The following B3GALT1 variants were observed in gnomAD, a reference collection of about 807,000 sequenced individuals.
The protein encoded by B3GALT1 is beta-1,3-galactosyltransferase 1.
Under a neutral mutation model 23.2 loss-of-function variants are expected in B3GALT1, and 10 were observed. The observed-to-expected ratio is 0.43, with a 90% CI of 0.27 to 0.73. B3GALT1 has a LOEUF of 0.73. Among genes scored for constraint, B3GALT1 ranks in the 30% least tolerant of loss-of-function variants. B3GALT1 has a pLI of 0.21. For synonymous variants in B3GALT1, 156 were observed against 141.5 expected (o/e 1.10, Z -0.73); for missense variants, 299 against 405.4 (o/e 0.74, Z 2.25).
chr2:167,685,850 G>T (rs758644276), intron 3 of B3GALT1, among the ~76,000 whole-genome samples: 3 of 152,122 alleles, frequency 2.0e-5, no homozygotes, highest in Non-Finnish European at 4.4e-5. Flanking sequence ...AGTCTCTCAG[G>T]CAAATTTAAA....
chr2:167,844,752 A>T (rs1319207883), intron 4 of B3GALT1, among the ~76,000 whole-genome samples: 2 of 152,216 alleles, frequency 1.3e-5, no homozygotes, highest in African/African-American at 4.8e-5. Flanking sequence ...TCCTGGCCAG[A>T]ACTCAGGGGA....
In B3GALT1 at chr2:167,870,858, T is replaced by A. The variant is rs1203213803; in HGVS notation, c.*838T>A. ...TCACAGTTTTTGGATCTGGCAGGCATATGTCTCTATGTAGAAAATAAGTTG... is the reference window on the plus strand; with the variant it reads ...TCACAGTTTTTGGATCTGGCAGGCAAATGTCTCTATGTAGAAAATAAGTTG... On this transcript the variant is annotated 3_prime_UTR_variant, in exon 5 of 5. Coordinates refer to ENST00000392690, the MANE Select transcript of B3GALT1 (RefSeq NM_020981.4). 6.0e-6 allele frequency: 1 copy of A among 167,096 alleles called. No individual in the cohort carries two copies. Among genetic ancestry groups the A allele is most frequent in the African/African-American group, 2.4e-5 (1 of 41,454 alleles). 10.4% of individuals were successfully genotyped at this position (167,096 alleles called of 1,614,324 possible). A position where few individuals can be genotyped will look rare whatever the true frequency, so the allele number is the denominator to read the frequency against.
At chr2:167,838,620 T>A (rs372395834) in intron 4 of B3GALT1, among the ~76,000 whole-genome samples, 2 of 151,902 alleles carry the variant, frequency 1.3e-5, no homozygotes, top group Admixed American at 1.3e-4. Flanking sequence ...TGGTACCATT[T>A]CTTCTGAAAC....
intron 2 of B3GALT1, among the ~76,000 whole-genome samples, chr2:167,570,131 T>A (rs1166878183): frequency 6.6e-6 from 1 of 151,930 alleles, no homozygotes; most frequent in Non-Finnish European, 1.5e-5. Flanking sequence ...TACCTCTTCT[T>A]ACATTGTCTT....
intron 4 of B3GALT1, among the ~76,000 whole-genome samples, chr2:167,842,184 C>T (rs985256143): frequency 1.8e-4 from 28 of 152,212 alleles, no homozygotes; most frequent in African/African-American, 6.7e-4. Context: ...AAAATAGAAA[C>T]ACATGAGGTC....
intron 2 of B3GALT1, among the ~76,000 whole-genome samples, chr2:167,544,425 G>T (rs1683591296): frequency 1.3e-5 from 2 of 152,044 alleles, no homozygotes; most frequent in African/African-American, 2.4e-5. Flanking sequence ...CTCCCAAGTA[G>T]CTGGGACTAC....
intron 2 of B3GALT1, among the ~76,000 whole-genome samples, chr2:167,528,164 A>G (rs1010709626): frequency 1.3e-5 from 2 of 152,248 alleles, no homozygotes; most frequent in South Asian, 2.1e-4. Flanking sequence ...TGAGACAGAC[A>G]TGATCTGGCT....
At chr2:167,832,677 C>CGCCT (rs1280123729) in intron 4 of B3GALT1, among the ~76,000 whole-genome samples, 3 of 152,194 alleles carry the variant, frequency 2.0e-5, no homozygotes, top group Non-Finnish European at 4.4e-5. Flanking sequence ...CCTCAACAAA[C>CGCCT]GCTCTATTAA....
intron 3 of B3GALT1, among the ~76,000 whole-genome samples, chr2:167,801,499 C>A (rs1327594033): frequency 6.6e-6 from 1 of 152,162 alleles, no homozygotes; most frequent in African/African-American, 2.4e-5. Context: ...TTCACTATTG[C>A]CCTGAAGGAC....
At chr2:167,865,601 C>G (rs1690197167) in intron 4 of B3GALT1, among the ~76,000 whole-genome samples, 1 of 152,082 alleles carries the variant, frequency 6.6e-6, no homozygotes, top group Admixed American at 6.5e-5. Flanking sequence ...ACCCTCCTGG[C>G]TAACACCGTG....
At chr2:167,325,702 CTT>C (rs61066636) in intron 1 of B3GALT1, among the ~76,000 whole-genome samples, 2 of 110,574 alleles carry the variant, frequency 1.8e-5, no homozygotes, top group African/African-American at 6.6e-5. Context: ...ACCCTGTTTT[CTT>C]TTTTTTTTTT....
At chr2:167,836,718 A>C (rs1170936443) in intron 4 of B3GALT1, among the ~76,000 whole-genome samples, 1 of 152,198 alleles carries the variant, frequency 6.6e-6, no homozygotes, top group Admixed American at 6.5e-5. Flanking sequence ...TCCAAGACAC[A>C]TAATTGTCAG....
chr2:167,398,086 A>G lies in B3GALT1; in HGVS notation c.-510-92091A>G, dbSNP rs77728007. Among the ~76,000 whole-genome samples the G allele has an allele frequency of 1.6e-3, 247 of 152,298 alleles. 1 individual carries two copies. The East Asian group carries it at 0.018, about 11-fold the overall frequency. ...CATTTTTATATGCCCCTGAATTTTA[A>G]ATCCTATTCACTGGCCTATATCTTA... On this transcript the variant is annotated intron_variant, in intron 1 of 4. Coordinates refer to ENST00000392690, the MANE Select transcript of B3GALT1 (RefSeq NM_020981.4).
intron 2 of B3GALT1, among the ~76,000 whole-genome samples, chr2:167,566,186 T>C (rs1390887573): frequency 6.6e-6 from 1 of 152,144 alleles, no homozygotes; most frequent in African/African-American, 2.4e-5. Context: ...AAATGATGAG[T>C]TCATGTCCTT....
In B3GALT1 at chr2:167,512,594, G is replaced by A. The variant is rs867053789; in HGVS notation, c.-410+22317G>A. ...TATATATATATGTATATATATATGT[G>A]TATATATATATATGTATATATATAT... On this transcript the variant is annotated intron_variant, in intron 2 of 4. Transcript: ENST00000392690. 2.0e-3 allele frequency among the ~76,000 whole-genome samples: 112 copies of A among 57,312 alleles called. 9 individuals carry two copies. In the East Asian group the frequency reaches 0.27, roughly 140 times the overall value. The allele number at this position is 57,312 out of a possible 152,430, so 37.6% of individuals were successfully genotyped here.
In B3GALT1 at chr2:167,869,346, G is replaced by T; in HGVS notation, c.307G>T (p.Asp103Tyr). 6.2e-7 allele frequency: 1 copy of T among 1,614,106 alleles called. No homozygotes were observed. Among genetic ancestry groups the T allele is most frequent in the Non-Finnish European group, 8.5e-7 (1 of 1,180,016 alleles). Residue 103 changes from aspartate to tyrosine, a missense_variant, in exon 5 of 5, where the codon GAT (aspartate) becomes TAT (tyrosine). Transcript: ENST00000392690. This position sits in a 1 kb window ranked among gnomAD's most constrained non-coding sequence, Gnocchi z 6.4. The part of the protein sequence containing the change: ...ARQAIRETWG[D>Y]ENNFKGIKIA... Reference sequence around the variant, plus strand: ...TCAGGCAATCAGAGAGACGTGGGGGGATGAGAACAACTTTAAGGGGATCAA... The same window carrying T: ...TCAGGCAATCAGAGAGACGTGGGGGTATGAGAACAACTTTAAGGGGATCAA...
At chr2:167,529,901 GT>G (rs892237048) in intron 2 of B3GALT1, among the ~76,000 whole-genome samples, 1 of 151,846 alleles carries the variant, frequency 6.6e-6, no homozygotes, top group African/African-American at 2.4e-5. Context: ...AGCCAAAGCA[GT>G]TTTTTTAAAA....
intron 1 of B3GALT1, among the ~76,000 whole-genome samples, chr2:167,401,377 A>G (rs1238026291): frequency 1.3e-5 from 2 of 152,074 alleles, no homozygotes; most frequent in African/African-American, 4.8e-5. Flanking sequence ...GACTCTCTCA[A>G]TGGAAACTTT....
At chr2:167,471,703 A>G (rs1305500031) in intron 1 of B3GALT1, among the ~76,000 whole-genome samples, 1 of 152,204 alleles carries the variant, frequency 6.6e-6, no homozygotes, top group Admixed American at 6.6e-5. Flanking sequence ...TATTCAATAT[A>G]TCTAAACTTT....
Sources: gnomAD v4.1 joint callset for allele counts (sites outside exome capture counted in the v4.1 genomes callset) on GRCh38, gnomAD v4.1.1 for gene constraint, Gnocchi (gnomAD v3.1) non-coding constraint, MANE v1.5 for transcripts, NCBI Gene and HGNC (gene_info 2026-07-23, HGNC 2026-07-21) for gene names.